Variants in LMF1 observed in about 807,000 individuals in gnomAD.
LMF1 encodes the protein lipase maturation factor 1.
Under a neutral mutation model 60.6 loss-of-function variants are expected in LMF1, and 68 were observed. The observed-to-expected ratio is 1.12, with a 90% CI of 0.92 to 1.37. The LOEUF is 1.37. Among genes scored for constraint, LMF1 ranks in the 40% most tolerant of loss-of-function variants. The pLI is 0.00. For missense variants in LMF1, 948 were observed against 767.2 expected, an observed-to-expected ratio of 1.24 and a Z score of -2.78; for synonymous variants, 418 against 324.7, an observed-to-expected ratio of 1.29 and a Z score of -3.09.
At chr16:981,475 G>C (rs2073375492), upstream of LMF1, 2 of 257,018 alleles carry the variant, frequency 7.8e-6, no homozygotes, top group South Asian at 5.7e-5. Context: ...CGCCCGCAGA[G>C]GAGAGGAAGC....
At chr16:908,602 C>T (rs987528544) in intron 4 of LMF1, among the ~76,000 whole-genome samples, 5 of 152,240 alleles carry the variant, frequency 3.3e-5, no homozygotes, top group Non-Finnish European at 7.3e-5. Flanking sequence ...GCCCTGCTGC[C>T]TCCAGCTGCT....
intron 4 of LMF1, among the ~76,000 whole-genome samples, chr16:905,392 G>C (rs896341308): frequency 8.5e-5 from 13 of 152,164 alleles, no homozygotes; most frequent in African/African-American, 2.9e-4. Context: ...CGTCTCTGCT[G>C]TGTGGTGGTG....
chr16:939,688 C>T (rs760637442), intron 2 of LMF1, among the ~76,000 whole-genome samples: 2 of 152,216 alleles, frequency 1.3e-5, no homozygotes, highest in Admixed American at 1.3e-4. Flanking sequence ...TGTAAGACAA[C>T]GTCGGCGAGA....
intron 3 of LMF1, among the ~76,000 whole-genome samples, chr16:914,263 G>T (rs78572250): frequency 6.6e-6 from 1 of 152,072 alleles, no homozygotes; most frequent in Non-Finnish European, 1.5e-5. Flanking sequence ...GTTGAAGGGG[G>T]ACTGCAGGTT....
chr16:949,747 G>A (rs2072387123), intron 2 of LMF1, among the ~76,000 whole-genome samples: 2 of 97,162 alleles, frequency 2.1e-5, no homozygotes, highest in Non-Finnish European at 3.7e-5. Context: ...AGTCAGAGAC[G>A]ACAGAGTCAG....
intron 4 of LMF1, 119 bp downstream of exon 4, chr16:910,812 C>T (rs916710009): frequency 9.6e-5 from 126 of 1,318,768 alleles, no homozygotes; most frequent in South Asian, 9.0e-4. Context: ...CAGGCCAGGC[C>T]GACAGGAGGA....
At position 854,223 on chromosome 16, in the gene LMF1, C is replaced by T. The variant is rs922614187; in HGVS notation, c.*309G>A. ...GAAGGTGTCAGGATGGCCATTGTCTCAACTCCTGTGGGCGGCACAGCCCCA... is the reference window on the plus strand; with the variant it reads ...GAAGGTGTCAGGATGGCCATTGTCTTAACTCCTGTGGGCGGCACAGCCCCA... On this transcript the variant is annotated 3_prime_UTR_variant, in exon 11 of 11. Transcript: ENST00000262301. The T allele has an allele frequency of 1.7e-6, 1 of 591,692 alleles. No homozygotes were observed. The highest frequency in any genetic ancestry group is 1.8e-5 in the African/African-American group (1 of 54,922). The allele number at this position is 591,692 out of a possible 1,614,324, so 36.7% of individuals were successfully genotyped here.
At chr16:858,618 G>A (rs867634620) in intron 10 of LMF1, among the ~76,000 whole-genome samples, 1 of 36,646 alleles carries the variant, frequency 2.7e-5, no homozygotes, top group Non-Finnish European at 6.1e-5. Context: ...GTGTGCAGTG[G>A]TGTCTCGGGA....
At chr16:974,846 G>A (rs1477519650), upstream of LMF1, among the ~76,000 whole-genome samples, 1 of 152,240 alleles carries the variant, frequency 6.6e-6, no homozygotes, top group East Asian at 1.9e-4. Context: ...CCCGCAGGAA[G>A]CCAGTGTGGG....
chr16:932,400 G>T (rs1485809210), intron 3 of LMF1, among the ~76,000 whole-genome samples: 1 of 152,108 alleles, frequency 6.6e-6, no homozygotes, highest in Non-Finnish European at 1.5e-5. Flanking sequence ...CACAGCCCCC[G>T]CGGTGCTGAC....
chr16:971,138 C>T, upstream of LMF1: 1 of 703,030 alleles, frequency 1.4e-6, no homozygotes, highest in Non-Finnish European at 2.0e-6. Context: ...CCGCCCCCTC[C>T]AGCCGGCCCC....
intron 1 of LMF1, chr16:976,234 G>T: frequency 2.2e-6 from 1 of 445,032 alleles, no homozygotes; most frequent in Non-Finnish European, 4.5e-6. Context: ...CATCCTACAA[G>T]GGCCCAAGGG....
At chr16:896,349 T>C (rs1388906987) in intron 4 of LMF1, among the ~76,000 whole-genome samples, 1 of 152,244 alleles carries the variant, frequency 6.6e-6, no homozygotes, top group Non-Finnish European at 1.5e-5. Flanking sequence ...TCGCCGTCTC[T>C]AGGGTCTTGC....
intron 3 of LMF1, among the ~76,000 whole-genome samples, chr16:923,623 G>A (rs1445976887): frequency 3.3e-5 from 5 of 152,264 alleles, no homozygotes; most frequent in Middle Eastern, 6.8e-3. Context: ...TTAGAAGGAC[G>A]TGGAGGAGGG....
chr16:887,533 A>T (rs530542556), intron 5 of LMF1, among the ~76,000 whole-genome samples: 1 of 152,296 alleles, frequency 6.6e-6, no homozygotes, highest in South Asian at 2.1e-4. Flanking sequence ...TCTAGGCAGC[A>T]GGGCCATGTC....
chr16:888,881 C>T (rs960782786), intron 5 of LMF1, among the ~76,000 whole-genome samples: 8 of 152,214 alleles, frequency 5.3e-5, no homozygotes, highest in East Asian at 3.8e-4. Flanking sequence ...AGGCAGCAGC[C>T]ATGAGGCAGA....
chr16:979,643 C>A (rs1434654210), intron 1 of LMF1: 3 of 453,958 alleles, frequency 6.6e-6, no homozygotes, highest in Non-Finnish European at 8.8e-6. Flanking sequence ...GATGGGGAGC[C>A]AGGAAGAGGC....
chr16:980,066 C>G (rs2073300480), intron 1 of LMF1: 1 of 310,030 alleles, frequency 3.2e-6, no homozygotes, highest in African/African-American at 2.2e-5. Context: ...AGCTCTCCAC[C>G]TACGATGCGT....
chr16:925,330 A>G (rs940521936), intron 3 of LMF1, among the ~76,000 whole-genome samples: 2 of 152,254 alleles, frequency 1.3e-5, no homozygotes, highest in Non-Finnish European at 2.9e-5. Context: ...TCTGCATAGT[A>G]AAGAGAATTT....
Sources: gnomAD v4.1 joint callset for allele counts (sites outside exome capture counted in the v4.1 genomes callset) on GRCh38, gnomAD v4.1.1 for gene constraint, MANE v1.5 for transcripts, NCBI Gene and HGNC (gene_info 2026-07-23, HGNC 2026-07-21) for gene names.